GK: variants seen among roughly 807,000 people sequenced by gnomAD.
GK encodes ATP:glycerol 3-phosphotransferase.
In GK, 9 loss-of-function variants were observed where a neutral mutation model predicts 56.4. The observed-to-expected ratio is 0.16, with a 90% CI of 0.10 to 0.28. The LOEUF (loss-of-function observed/expected upper bound fraction) is 0.28. Ranked by LOEUF, GK falls within the 10% of genes least tolerant of loss-of-function variation. The probability of loss-of-function intolerance (pLI) is 1.00; values close to 1 mark genes in which losing one functional copy is unlikely to be tolerated. For synonymous variants in GK, 104 were observed against 144.1 expected, an observed-to-expected ratio of 0.72 and a Z score of 1.99; for missense variants, 161 against 431.4, an observed-to-expected ratio of 0.37 and a Z score of 5.55.
At chrX:30,669,651 C>T (rs1933345457) in intron 3 of GK, among the ~76,000 whole-genome samples, 1 of 111,665 alleles carries the variant, frequency 9.0e-6, no homozygotes, top group South Asian at 3.7e-4. Context: ...CATTCAAGGG[C>T]TCTTTTTTTC....
At chrX:30,667,463 A>C (rs1933164148) in intron 2 of GK, among the ~76,000 whole-genome samples, 1 of 111,890 alleles carries the variant, frequency 8.9e-6, no homozygotes, top group Non-Finnish European at 1.9e-5. Flanking sequence ...TGGACCAATC[A>C]CTTATCTACA....
chrX:30,718,015 A>C (rs1936714665), intron 13 of GK, among the ~76,000 whole-genome samples: 1 of 111,856 alleles, frequency 8.9e-6, no homozygotes, highest in Non-Finnish European at 1.9e-5. Context: ...AAGCCAGTTT[A>C]TCCAACTCTG....
chrX:30,725,264 TAGG>T (rs928729713), intron 19 of GK, among the ~76,000 whole-genome samples: 1 of 112,120 alleles, frequency 8.9e-6, no homozygotes, highest in African/African-American at 3.2e-5. Flanking sequence ...ATCTGTTTTT[TAGG>T]AGAAGCTTCC....
chrX:30,708,182 T>C (rs1936121926), intron 13 of GK, 48 bp downstream of exon 13: 1 of 665,655 alleles, frequency 1.5e-6, no homozygotes, highest in Middle Eastern at 3.2e-4. Context: ...CATTCAAAGC[T>C]AATAAAAATT....
At chrX:30,704,963 C>T (rs1935918893) in intron 11 of GK, among the ~76,000 whole-genome samples, 2 of 112,082 alleles carry the variant, frequency 1.8e-5, no homozygotes, top group African/African-American at 6.5e-5. Context: ...GGTAGGAAAT[C>T]GAAGACATGT....
intron 13 of GK, among the ~76,000 whole-genome samples, chrX:30,712,220 G>A (rs1336848070): frequency 1.8e-5 from 2 of 111,835 alleles, no homozygotes; most frequent in African/African-American, 6.5e-5. Context: ...TGACATTCGA[G>A]TTGTTTTCAG....
chrX:30,715,656 C>T (rs1333150345), intron 13 of GK, among the ~76,000 whole-genome samples: 1 of 112,020 alleles, frequency 8.9e-6, no homozygotes, highest in African/African-American at 3.2e-5. Flanking sequence ...TTTTCCTGTC[C>T]AGCTTTGAAA....
intron 5 of GK, among the ~76,000 whole-genome samples, chrX:30,693,014 T>TTC (rs1170599800): frequency 1.2e-5 from 1 of 84,321 alleles, no homozygotes; most frequent in Non-Finnish European, 2.4e-5. Context: ...TTCTTTTCTT[T>TTC]TTTTTTTTTT....
At chrX:30,697,710 C>G (rs2035432) in intron 8 of GK, 22 bp from the exon 9 acceptor site, 2 of 1,121,967 alleles carry the variant, frequency 1.8e-6, no homozygotes, top group East Asian at 6.0e-5. Flanking sequence ...CTATCCTTCT[C>G]TCTCCCCCTT....
At position 30,653,632 on chromosome X, in the gene GK, A is replaced by C. The variant is rs758055449; in HGVS notation, c.78+17A>C. 3.4e-6 allele frequency: 4 copies of C among 1,178,057 alleles called. No individual in the cohort carries two copies. In the African/African-American group the frequency reaches 7.1e-5, roughly 21 times the overall value. ...CGCTTTTTGGTGAGCCCGGGGTGAC[A>C]TGTGAAGAGGCGCTGAGCCGGGGCG... On this transcript the variant is annotated intron_variant, in intron 1 of 20. Coordinates refer to ENST00000427190, the MANE Select transcript of GK (RefSeq NM_001205019.2).
chrX:30,721,836 G>A (rs762425821), intron 18 of GK: 23 of 112,834 alleles, frequency 2.0e-4, no homozygotes, highest in Non-Finnish European at 4.1e-4. Flanking sequence ...CACAAGCTGT[G>A]ATCAGCACTT....
In GK at chrX:30,686,252, C is replaced by A. The variant is rs367637497; in HGVS notation, c.338-4871C>A. Among the ~76,000 whole-genome samples, 41 of 112,987 alleles carry A rather than the reference C, an allele frequency of 3.6e-4. 1 individual carries two copies. In the South Asian group the frequency reaches 0.015, roughly 41 times the overall value. On this transcript the variant is annotated intron_variant, in intron 4 of 20. Coordinates refer to ENST00000427190, the MANE Select transcript of GK (RefSeq NM_001205019.2). ...CAGCCATCAATATAGTCTCTTCCAC[C>A]TTGCAAATGACCACTTACCCAGCTT...
rs1569153743 is a variant in GK at position 30,684,225 on chromosome X, C to G, written c.337+6773C>G. Among the ~76,000 whole-genome samples, 3 of 112,205 alleles carry G rather than the reference C, an allele frequency of 2.7e-5. No individual in the cohort carries two copies. In the Admixed American group the frequency reaches 2.8e-4, roughly 11 times the overall value. On this transcript the variant is annotated intron_variant, in intron 4 of 20. Transcript: ENST00000427190. ...CTACCAGGGAAATGTTCTGTCCAAA[C>G]TAGAATGGCCTAGCTGTATTTCCCC...
chrX:30,715,881 A>G (rs895310472), intron 13 of GK, among the ~76,000 whole-genome samples: 1 of 112,166 alleles, frequency 8.9e-6, no homozygotes, highest in Non-Finnish European at 1.9e-5. Flanking sequence ...TCACAACAAA[A>G]CACTTCTGTG....
At chrX:30,724,668 T>C (rs1262739918) in intron 19 of GK, 1 of 303,536 alleles carries the variant, frequency 3.3e-6, no homozygotes, top group Admixed American at 3.8e-5. Context: ...ATACCAAACA[T>C]AGTAAATTCG....
At position 30,684,694 on chromosome X, in the gene GK, A is replaced by T. The variant is rs1312825462; in HGVS notation, c.338-6429A>T. 3.3e-5 allele frequency among the ~76,000 whole-genome samples: 3 copies of T among 91,200 alleles called. No individual in the cohort carries two copies. The East Asian group carries it at 1.1e-3, about 32-fold the overall frequency. 79.2% of individuals were successfully genotyped at this position (91,200 alleles called of 115,157 possible). On this transcript the variant is annotated intron_variant, in intron 4 of 20. Transcript: ENST00000427190. ...AAAAAAAAAAAAAAAAAAAAAAAAA[A>T]GCATTCACAGTAGGGACTAATCCAG... is the stretch of plus-strand genomic sequence containing the variant.
intron 12 of GK, 133 bp downstream of exon 12, chrX:30,707,731 C>G (rs1353001599): frequency 6.6e-6 from 3 of 455,868 alleles, no homozygotes; most frequent in Non-Finnish European, 1.1e-5. Context: ...ATTTAGAGCT[C>G]AATACAAAAT....
intron 11 of GK, among the ~76,000 whole-genome samples, chrX:30,705,720 G>A (rs761329364): frequency 8.9e-6 from 1 of 112,885 alleles, no homozygotes; most frequent in South Asian, 3.6e-4. Flanking sequence ...TGACTGGGAA[G>A]AAAGAACAAT....
At chrX:30,666,933 T>A (rs1933116258) in intron 2 of GK, among the ~76,000 whole-genome samples, 1 of 111,118 alleles carries the variant, frequency 9.0e-6, no homozygotes, top group African/African-American at 3.3e-5. Flanking sequence ...GGCAGGCGGA[T>A]CATGAGGTCA....
Sources: gnomAD v4.1 joint callset for allele counts (sites outside exome capture counted in the v4.1 genomes callset) on GRCh38, gnomAD v4.1.1 for gene constraint, MANE v1.5 for transcripts, NCBI Gene and HGNC (gene_info 2026-07-23, HGNC 2026-07-21) for gene names.